Variants in ASTN2 observed in about 807,000 individuals in gnomAD.
The protein encoded by ASTN2 is astrotactin-2.
ASTN2 carries 54 observed loss-of-function variants against 139.8 expected under a neutral mutation model. The observed-to-expected ratio is 0.39, with a 90% CI of 0.31 to 0.48. The LOEUF is 0.48. ASTN2 is among the 20% of genes least tolerant of loss of function. The pLI is 0.95. For synonymous variants in ASTN2, 756 were observed against 719.5 expected (o/e 1.05, Z -0.81); for missense variants, 1,565 against 1,725.1 (o/e 0.91, Z 1.64).
chr9:116,446,877 T>C (rs1193942497), intron 20 of ASTN2, among the ~76,000 whole-genome samples: 1 of 152,164 alleles, frequency 6.6e-6, no homozygotes, highest in African/African-American at 2.4e-5. Context: ...TGTGGGAAAA[T>C]GCCTTGGGAT....
chr9:117,349,812 C>T (rs916439955), intron 1 of ASTN2, among the ~76,000 whole-genome samples: 1 of 152,102 alleles, frequency 6.6e-6, no homozygotes, highest in African/African-American at 2.4e-5. Context: ...TGATATGATA[C>T]AATATGATAA....
chr9:117,016,981 G>A (rs1007384436), intron 6 of ASTN2, among the ~76,000 whole-genome samples: 11 of 151,670 alleles, frequency 7.3e-5, no homozygotes, highest in Admixed American at 2.0e-4. Context: ...CTGAAAACAC[G>A]TTGCCACAGA....
At chr9:116,468,619 C>A (rs146634216) in intron 20 of ASTN2, among the ~76,000 whole-genome samples, 4 of 152,298 alleles carry the variant, frequency 2.6e-5, no homozygotes, top group Non-Finnish European at 5.9e-5. Flanking sequence ...CAAATTACTT[C>A]CTATAGTTTT....
chr9:117,088,268 C>A (rs76200225), intron 5 of ASTN2, among the ~76,000 whole-genome samples: 1,735 of 152,260 alleles, frequency 0.011, 19 homozygotes, highest in Non-Finnish European at 0.016. Context: ...TCAGTTCTGG[C>A]ATCTCTCCTC....
intron 6 of ASTN2, among the ~76,000 whole-genome samples, chr9:117,013,980 C>T (rs1360997175): frequency 6.6e-6 from 1 of 152,122 alleles, no homozygotes; most frequent in Admixed American, 6.6e-5. Context: ...AAAAGATGGT[C>T]TTTACAAATG....
In ASTN2 at chr9:117,096,039, A is replaced by G; in HGVS notation, c.1276+5T>C. The G allele has an allele frequency of 6.2e-7, 1 of 1,613,604 alleles. No homozygotes were observed. The highest frequency in any genetic ancestry group is 2.2e-5 in the East Asian group (1 of 44,854). On this transcript the variant is annotated splice_donor_5th_base_variant and intron_variant, in intron 5 of 22. Transcript: ENST00000313400. ...GGTTCTGGAACCTTCCAAGGACACT[A>G]TTACCTTTGCTGCGGCGGCGACTGC...
chr9:117,389,993 AG>A (rs1341287118), intron 1 of ASTN2, among the ~76,000 whole-genome samples: 4 of 152,150 alleles, frequency 2.6e-5, no homozygotes, highest in African/African-American at 9.7e-5. Flanking sequence ...CCATGAGTGA[AG>A]GTGGAACCAG....
chr9:116,940,514 A>G (rs1210073141), intron 10 of ASTN2, among the ~76,000 whole-genome samples: 1 of 152,218 alleles, frequency 6.6e-6, no homozygotes, highest in Non-Finnish European at 1.5e-5. Context: ...GTGTGTTCAT[A>G]TCTTAGTTTT....
intron 19 of ASTN2, among the ~76,000 whole-genome samples, chr9:116,564,289 A>G (rs552545973): frequency 5.7e-4 from 87 of 152,302 alleles, no homozygotes; most frequent in African/African-American, 2.1e-3. Flanking sequence ...GAGGTGGCCC[A>G]AAGTGCATGG....
At chr9:116,595,480 C>T (rs775550224) in intron 19 of ASTN2, among the ~76,000 whole-genome samples, 2 of 152,136 alleles carry the variant, frequency 1.3e-5, no homozygotes, top group Non-Finnish European at 2.9e-5. Flanking sequence ...GGGCGCACCA[C>T]CATGCCTGGC....
At chr9:117,083,651 C>T (rs1828485988) in intron 5 of ASTN2, among the ~76,000 whole-genome samples, 1 of 152,194 alleles carries the variant, frequency 6.6e-6, no homozygotes, top group Non-Finnish European at 1.5e-5. Context: ...GAGTCACAGT[C>T]TCTCATTCTA....
intron 1 of ASTN2, among the ~76,000 whole-genome samples, chr9:117,342,749 A>C (rs1446810006): frequency 1.3e-5 from 2 of 152,208 alleles, no homozygotes; most frequent in African/African-American, 2.4e-5. Context: ...TATATAGAAG[A>C]AATAGAATAT....
At chr9:117,227,264 T>A (rs573919911) in intron 2 of ASTN2, among the ~76,000 whole-genome samples, 1 of 152,350 alleles carries the variant, frequency 6.6e-6, no homozygotes, top group Admixed American at 6.5e-5. Context: ...CTTTCCTTGC[T>A]TTAACTTTAT....
intron 13 of ASTN2, among the ~76,000 whole-genome samples, chr9:116,787,484 C>A (rs116364281): frequency 0.015 from 2,212 of 152,242 alleles, 51 homozygotes; most frequent in African/African-American, 0.05. Flanking sequence ...AGGGTGGAAG[C>A]CCAACTTCCA....
chr9:116,516,077 T>A (rs1282450040), intron 19 of ASTN2, among the ~76,000 whole-genome samples: 1 of 152,232 alleles, frequency 6.6e-6, no homozygotes, highest in African/African-American at 2.4e-5. Context: ...TCCCTTATTT[T>A]ATTAAAATAT....
At chr9:116,504,714 T>C (rs942965154) in intron 19 of ASTN2, among the ~76,000 whole-genome samples, 2 of 151,750 alleles carry the variant, frequency 1.3e-5, no homozygotes, top group African/African-American at 2.4e-5. Context: ...CTGGGCGACA[T>C]AGTAAGACCT....
chr9:117,123,302 A>C (rs1282100241), intron 4 of ASTN2, among the ~76,000 whole-genome samples: 1 of 151,910 alleles, frequency 6.6e-6, no homozygotes, highest in African/African-American at 2.4e-5. Context: ...CCTGTGCTCA[A>C]GCAGAAGGCT....
intron 1 of ASTN2, among the ~76,000 whole-genome samples, chr9:117,339,869 T>C (rs1213085725): frequency 1.4e-5 from 2 of 147,122 alleles, no homozygotes; most frequent in Non-Finnish European, 1.5e-5. Context: ...TGGATTTTAA[T>C]GCACCGATCT....
intron 10 of ASTN2, among the ~76,000 whole-genome samples, chr9:116,948,785 GTTTTTTTTTTTT>G (rs58832163): frequency 2.0e-4 from 10 of 49,472 alleles, no homozygotes; most frequent in African/African-American, 3.5e-4. Context: ...ATAATTTGGT[GTTTTTTTTTTTT>G]TTTTTTTTTT....
Sources: allele counts gnomAD v4.1 joint callset (sites outside exome capture counted in the v4.1 genomes callset), GRCh38; gene constraint gnomAD v4.1.1; transcripts MANE v1.5; gene names NCBI Gene and HGNC (gene_info 2026-07-23, HGNC 2026-07-21).